SLC13A1: variants seen among roughly 807,000 people sequenced by gnomAD.
The protein encoded by SLC13A1 is Na(+)/sulfate cotransporter.
Under a neutral mutation model 70.0 loss-of-function variants are expected in SLC13A1, and 65 were observed. The ratio of observed to expected loss-of-function variants is 0.93; its 90% CI spans 0.76 to 1.14. SLC13A1 has a LOEUF of 1.14. Among genes scored for constraint, SLC13A1 ranks in the 50% most tolerant of loss-of-function variants. The pLI is 0.00. For synonymous variants in SLC13A1, 275 were observed against 250.5 expected (o/e 1.10, Z -0.92); for missense variants, 726 against 717.8 (o/e 1.01, Z -0.13).
rs1390387413 is a variant in SLC13A1 at position 123,117,432 on chromosome 7, G to A, written c.1650+39C>T. 1.9e-6 allele frequency: 3 copies of A among 1,597,396 alleles called. No homozygotes were observed. The South Asian group carries it at 3.3e-5, about 18-fold the overall frequency. On this transcript the variant is annotated intron_variant, in intron 14 of 14. Coordinates refer to ENST00000194130, the MANE Select transcript of SLC13A1 (RefSeq NM_022444.4). ...TTCAAGACATGGCACACACCAAGAT[G>A]TGTATTGGATTTGATAGTATTTTTT...
Position 123,181,025 on chromosome 7 carries a change from G to A in SLC13A1, c.176C>T (p.Ala59Val), listed in dbSNP as rs542202092. The A allele has an allele frequency of 1.9e-6, 3 of 1,612,770 alleles. No homozygotes were observed. Among genetic ancestry groups the A allele is most frequent in the South Asian group, 2.2e-5 (2 of 91,038 alleles). ...LTEALPLSVT[A>V]LLPSLMLPMF... ...GGGTAACATTAAACTAGGTAGCAAA[G>A]CTGTTACCGACAGAGGCAATGCTTC... Residue 59 changes from alanine (A) to valine (V), a missense_variant, in exon 2 of 15, where the codon GCT becomes GTT. By Grantham distance (64) the Ala-to-Val change is moderately conservative. Transcript: ENST00000194130.
intron 12 of SLC13A1, among the ~76,000 whole-genome samples, chr7:123,121,069 G>A (rs10247823): frequency 0.97 from 147,598 of 152,060 alleles, 71,780 homozygotes; most frequent in East Asian, 1. Context: ...TGAAATGCCT[G>A]TTAGTTGACT....
rs529850786 is a variant in SLC13A1, at chr7:123,125,719, C to T, written c.1134-44G>A. On this transcript the variant is annotated intron_variant, in intron 10 of 14. Coordinates refer to ENST00000194130, the MANE Select transcript of SLC13A1 (RefSeq NM_022444.4). ...CATGTATTAAAAATAGCATCAAGAACTTAAATGAGCTAAAACACCAATTTT... is the reference window on the plus strand; with the variant it reads ...CATGTATTAAAAATAGCATCAAGAATTTAAATGAGCTAAAACACCAATTTT... 21 of 1,408,590 alleles carry T rather than the reference C, an allele frequency of 1.5e-5. No individual in the cohort carries two copies. The African/African-American group carries it at 2.8e-4, about 19-fold the overall frequency. The allele number at this position is 1,408,590 out of a possible 1,614,324, so 87.3% of individuals were successfully genotyped here. A position where few individuals can be genotyped will look rare whatever the true frequency, so the allele number is the denominator to read the frequency against.
At chr7:123,150,780 C>G (rs545549244) in intron 6 of SLC13A1, among the ~76,000 whole-genome samples, 9 of 152,190 alleles carry the variant, frequency 5.9e-5, no homozygotes, top group Admixed American at 6.6e-5. Context: ...TCTGTGATAT[C>G]TCACTCTTTG....
intron 2 of SLC13A1, among the ~76,000 whole-genome samples, chr7:123,180,608 T>C (rs1225588620): frequency 6.6e-6 from 1 of 152,170 alleles, no homozygotes; most frequent in East Asian, 1.9e-4. Flanking sequence ...TTTTTCTTCA[T>C]TAAAAACAAA....
At chr7:123,156,552 C>T (rs1014176235) in intron 6 of SLC13A1, among the ~76,000 whole-genome samples, 7 of 152,124 alleles carry the variant, frequency 4.6e-5, no homozygotes, top group South Asian at 2.1e-4. Flanking sequence ...TTTTGGTCTG[C>T]ATGTTGAGTT....
intron 6 of SLC13A1, among the ~76,000 whole-genome samples, chr7:123,163,085 A>G (rs1486021637): frequency 1.3e-5 from 2 of 152,056 alleles, no homozygotes; most frequent in Admixed American, 1.3e-4. Flanking sequence ...GAGGGAAAGA[A>G]CTAGCAACTT....
chr7:123,168,152 T>C (rs1795134101), intron 6 of SLC13A1, among the ~76,000 whole-genome samples: 3 of 152,158 alleles, frequency 2.0e-5, no homozygotes, highest in South Asian at 4.1e-4. Context: ...AAAGAGAAAA[T>C]AATGATACTA....
chr7:123,146,883 G>A (rs1794372519), intron 7 of SLC13A1, among the ~76,000 whole-genome samples: 2 of 152,072 alleles, frequency 1.3e-5, no homozygotes, highest in Non-Finnish European at 2.9e-5. Flanking sequence ...TATTTTCAAT[G>A]AAAAATGTTT....
At chr7:123,179,935 A>G (rs1015595528) in intron 2 of SLC13A1, among the ~76,000 whole-genome samples, 1 of 152,162 alleles carries the variant, frequency 6.6e-6, no homozygotes, top group Non-Finnish European at 1.5e-5. Flanking sequence ...ATTGAAAGCC[A>G]TATAGCATGT....
intron 13 of SLC13A1, among the ~76,000 whole-genome samples, 195 bp downstream of exon 13, chr7:123,118,886 A>G (rs1299634755): frequency 1.3e-5 from 2 of 152,106 alleles, no homozygotes; most frequent in African/African-American, 4.8e-5. Flanking sequence ...CTGCTTGAAC[A>G]TGAAAACTTA....
chr7:123,117,030 G>T (rs1793202537), intron 14 of SLC13A1, among the ~76,000 whole-genome samples: 1 of 152,166 alleles, frequency 6.6e-6, no homozygotes, highest in African/African-American at 2.4e-5. Flanking sequence ...TTCTTCATCA[G>T]TGAGGCACTG....
At chr7:123,148,439 T>C (rs1164223869) in intron 6 of SLC13A1, 7 of 451,366 alleles carry the variant, frequency 1.6e-5, no homozygotes, top group Admixed American at 1.2e-4. Flanking sequence ...ATGGTTTCAC[T>C]TGGGGAATCA....
chr7:123,173,446 C>T (rs1795339055), intron 2 of SLC13A1, among the ~76,000 whole-genome samples: 1 of 152,034 alleles, frequency 6.6e-6, no homozygotes, highest in South Asian at 2.1e-4. Flanking sequence ...ATTTATTACT[C>T]ATTGAAAAAT....
chr7:123,182,625 C>T (rs1384095186), intron 1 of SLC13A1, among the ~76,000 whole-genome samples: 1 of 152,044 alleles, frequency 6.6e-6, no homozygotes, highest in African/African-American at 2.4e-5. Flanking sequence ...TCTGCTAAAA[C>T]ATCAAAAAAT....
At position 123,114,813 on chromosome 7, in the gene SLC13A1, C is replaced by A. The variant is rs1793126568; in HGVS notation, c.*705G>T. The A allele has an allele frequency of 6.6e-6, 1 of 152,058 alleles. No individual in the cohort carries two copies. The highest frequency in any genetic ancestry group is 2.4e-5 in the African/African-American group (1 of 41,410). The allele number at this position is 152,058 out of a possible 1,614,324, so 9.4% of individuals were successfully genotyped here. A position where few individuals can be genotyped will look rare whatever the true frequency, so the allele number is the denominator to read the frequency against. Reference sequence around the variant, plus strand: ...AATGAATTTCTCAGTGTGCCAATATCATAAAAATATGAATTATATTACACT... The same window carrying A: ...AATGAATTTCTCAGTGTGCCAATATAATAAAAATATGAATTATATTACACT... On this transcript the variant is annotated 3_prime_UTR_variant, in exon 15 of 15. Coordinates refer to ENST00000194130, the MANE Select transcript of SLC13A1 (RefSeq NM_022444.4).
chr7:123,179,329 T>G (rs1234844568), intron 2 of SLC13A1, among the ~76,000 whole-genome samples: 1 of 152,154 alleles, frequency 6.6e-6, no homozygotes, highest in Non-Finnish European at 1.5e-5. Flanking sequence ...AAAGGGATAT[T>G]AGAGGCCCAT....
At chr7:123,130,591 G>T (rs1413886800) in intron 8 of SLC13A1, among the ~76,000 whole-genome samples, 1 of 152,100 alleles carries the variant, frequency 6.6e-6, no homozygotes, top group Non-Finnish European at 1.5e-5. Flanking sequence ...AGAGCATCAA[G>T]ATAAACAGGT....
At chr7:123,134,337 C>T (rs1793875166) in intron 8 of SLC13A1, 73 bp downstream of exon 8, 1 of 1,419,806 alleles carries the variant, frequency 7.0e-7, no homozygotes, top group East Asian at 2.3e-5. Flanking sequence ...GGGGAAAGAG[C>T]ATCGGATAAG....
Sources: gnomAD v4.1 joint callset for allele counts (sites outside exome capture counted in the v4.1 genomes callset) on GRCh38, gnomAD v4.1.1 for gene constraint, MANE v1.5 for transcripts, NCBI Gene and HGNC (gene_info 2026-07-23, HGNC 2026-07-21) for gene names.